The following HIBADH variants were observed in gnomAD, a reference collection of about 807,000 sequenced individuals.
HIBADH encodes the protein 3-hydroxyisobutyrate dehydrogenase, mitochondrial.
HIBADH carries 25 observed loss-of-function variants against 36.1 expected under a neutral mutation model. The observed-to-expected ratio is 0.69, with a 90% CI of 0.50 to 0.97. The LOEUF (loss-of-function observed/expected upper bound fraction) is 0.97. Among genes scored for constraint, HIBADH ranks in the 50% least tolerant of loss-of-function variants. The pLI is 0.00. For missense variants in HIBADH, 421 were observed against 418.0 expected, an observed-to-expected ratio of 1.01 and a Z score of -0.06; for synonymous variants, 160 against 149.5, an observed-to-expected ratio of 1.07 and a Z score of -0.51.
At chr7:27,651,336 G>A (rs1401268485) in intron 1 of HIBADH, among the ~76,000 whole-genome samples, 3 of 151,794 alleles carry the variant, frequency 2.0e-5, no homozygotes, top group East Asian at 3.9e-4. Context: ...TTTAACAGGC[G>A]CTAAGTTTAA....
At chr7:27,555,764 C>G (rs1434127700) in intron 4 of HIBADH, among the ~76,000 whole-genome samples, 1 of 152,008 alleles carries the variant, frequency 6.6e-6, no homozygotes, top group Non-Finnish European at 1.5e-5. Flanking sequence ...AAGTACCCAG[C>G]CAGTCAAAAT....
At chr7:27,582,689 C>T (rs1362021174) in intron 4 of HIBADH, among the ~76,000 whole-genome samples, 1 of 152,086 alleles carries the variant, frequency 6.6e-6, no homozygotes, top group African/African-American at 2.4e-5. Context: ...GGCTTCTCCC[C>T]ACCTCAAAAT....
intron 2 of HIBADH, chr7:27,647,765 T>C (rs753442356): frequency 8.1e-6 from 3 of 368,186 alleles, no homozygotes; most frequent in South Asian, 6.5e-5. Flanking sequence ...AGGCAGAGCA[T>C]CAGAAAGCTC....
At chr7:27,533,973 C>T (rs1475409077) in intron 6 of HIBADH, among the ~76,000 whole-genome samples, 5 of 152,118 alleles carry the variant, frequency 3.3e-5, no homozygotes, top group South Asian at 2.1e-4. Flanking sequence ...GGATGTGGTT[C>T]GAGAGTGCAT....
intron 7 of HIBADH, among the ~76,000 whole-genome samples, chr7:27,526,801 G>C (rs1783908246): frequency 6.6e-6 from 1 of 152,154 alleles, no homozygotes; most frequent in South Asian, 2.1e-4. Flanking sequence ...CTGACAATGT[G>C]CCAGAAGCTG....
At chr7:27,653,991 T>C (rs1455490421) in intron 1 of HIBADH, among the ~76,000 whole-genome samples, 1 of 152,160 alleles carries the variant, frequency 6.6e-6, no homozygotes, top group Non-Finnish European at 1.5e-5. Context: ...AACAAGGACG[T>C]TAAAAATTAT....
chr7:27,627,023 G>C (rs1319117872), intron 4 of HIBADH, among the ~76,000 whole-genome samples: 3 of 152,104 alleles, frequency 2.0e-5, no homozygotes, highest in Non-Finnish European at 1.5e-5. Context: ...AGTTGATGGA[G>C]AACTACAAGC....
At chr7:27,596,811 T>C (rs1250466438) in intron 4 of HIBADH, among the ~76,000 whole-genome samples, 2 of 152,178 alleles carry the variant, frequency 1.3e-5, no homozygotes, top group African/African-American at 2.4e-5. Context: ...TCTGAAATGC[T>C]CCAATGAGCA....
At chr7:27,531,439 C>A in intron 6 of HIBADH, 91 bp from the exon 7 acceptor site, 1 of 1,137,996 alleles carries the variant, frequency 8.8e-7, no homozygotes, top group Admixed American at 2.8e-5. Flanking sequence ...CATCTTCTCT[C>A]TCCATTTATT....
At chr7:27,655,189 A>G (rs1188068926) in intron 1 of HIBADH, among the ~76,000 whole-genome samples, 1 of 152,196 alleles carries the variant, frequency 6.6e-6, no homozygotes, top group Non-Finnish European at 1.5e-5. Flanking sequence ...GTAAAGTGTG[A>G]AGTCTGAATG....
chr7:27,579,219 GT>G (rs1784756698), intron 4 of HIBADH, among the ~76,000 whole-genome samples: 2 of 152,292 alleles, frequency 1.3e-5, no homozygotes, highest in South Asian at 4.1e-4. Flanking sequence ...TGTGATAGTA[GT>G]TTTGGAGTTA....
intron 4 of HIBADH, among the ~76,000 whole-genome samples, chr7:27,609,842 G>A (rs983394420): frequency 1.3e-5 from 2 of 151,950 alleles, no homozygotes; most frequent in African/African-American, 2.4e-5. Context: ...TTTTGAGACA[G>A]AGTCTTGCTC....
intron 7 of HIBADH, among the ~76,000 whole-genome samples, chr7:27,528,014 C>T (rs575511506): frequency 2.3e-4 from 34 of 149,330 alleles, no homozygotes; most frequent in Middle Eastern, 3.4e-3. Flanking sequence ...ACACCTGCCT[C>T]GGCCTCCCAA....
chr7:27,604,542 C>CATA (rs1269788288), intron 4 of HIBADH, among the ~76,000 whole-genome samples: 1 of 151,888 alleles, frequency 6.6e-6, no homozygotes, highest in Non-Finnish European at 1.5e-5. Context: ...AGAACACAGG[C>CATA]ATAATCTATA....
At chr7:27,627,417 T>C (rs1188737878) in intron 4 of HIBADH, among the ~76,000 whole-genome samples, 1 of 152,164 alleles carries the variant, frequency 6.6e-6, no homozygotes, top group Non-Finnish European at 1.5e-5. Context: ...CCCCAAACCC[T>C]GGAGGGAGGA....
At chr7:27,551,031 G>A (rs569196874) in intron 4 of HIBADH, among the ~76,000 whole-genome samples, 1 of 152,222 alleles carries the variant, frequency 6.6e-6, no homozygotes, top group Admixed American at 6.5e-5. Flanking sequence ...TGGTTAGTAT[G>A]TGAGGTAATT....
chr7:27,592,647 A>G (rs754839673), intron 4 of HIBADH, among the ~76,000 whole-genome samples: 2 of 149,404 alleles, frequency 1.3e-5, no homozygotes, highest in Non-Finnish European at 3.0e-5. Context: ...ACTTTTCTCT[A>G]TATCTATATC....
rs572691429 is a variant in HIBADH at position 27,596,743 on chromosome 7, T to A, written c.484+32628A>T. Reference sequence around the variant, plus strand: ...GTTTTGGATTCCAGATTCTTTCAGATGTTGGAATATCTGCATTGTACTTAC... The same window carrying A: ...GTTTTGGATTCCAGATTCTTTCAGAAGTTGGAATATCTGCATTGTACTTAC... On this transcript the variant is annotated intron_variant, in intron 4 of 7. Transcript: ENST00000265395. 2.0e-5 allele frequency among the ~76,000 whole-genome samples: 3 copies of A among 152,324 alleles called. No individual in the cohort carries two copies. In the South Asian group the frequency reaches 6.2e-4, roughly 32 times the overall value.
At chr7:27,586,893 C>T (rs1206089111) in intron 4 of HIBADH, among the ~76,000 whole-genome samples, 1 of 152,236 alleles carries the variant, frequency 6.6e-6, no homozygotes, top group Non-Finnish European at 1.5e-5. Context: ...GGGCCACTGG[C>T]TGTCAGAAGC....
Sources: allele counts gnomAD v4.1 joint callset (sites outside exome capture counted in the v4.1 genomes callset), GRCh38; gene constraint gnomAD v4.1.1; transcripts MANE v1.5; gene names NCBI Gene and HGNC (gene_info 2026-07-23, HGNC 2026-07-21).